GMDS: variants seen among roughly 807,000 people sequenced by gnomAD.
GMDS encodes GDP-mannose 4,6-dehydratase, also known as GDP-mannose 4,6 dehydratase.
GMDS carries 20 observed loss-of-function variants against 49.9 expected under a neutral mutation model. The observed-to-expected ratio is 0.40, with a 90% CI of 0.28 to 0.58. GMDS has a LOEUF of 0.58. GMDS is among the 20% of genes least tolerant of loss of function. The probability of loss-of-function intolerance (pLI) is 0.42; values close to 1 mark genes in which losing one functional copy is unlikely to be tolerated. For missense variants in GMDS, 362 were observed against 481.4 expected (o/e 0.75, Z 2.32); for synonymous variants, 177 against 178.6 (o/e 0.99, Z 0.07).
chr6:2,071,856 T>C (rs1772024553), intron 4 of GMDS, among the ~76,000 whole-genome samples: 1 of 152,182 alleles, frequency 6.6e-6, no homozygotes, highest in Non-Finnish European at 1.5e-5. Context: ...CAATGTTTCT[T>C]ACTTTGAATG....
intron 7 of GMDS, among the ~76,000 whole-genome samples, chr6:1,860,367 A>G (rs962191772): frequency 6.6e-6 from 1 of 152,216 alleles, no homozygotes; most frequent in Non-Finnish European, 1.5e-5. Context: ...GACAGACTCC[A>G]AAAGTTACCC....
intron 9 of GMDS, among the ~76,000 whole-genome samples, chr6:1,716,547 G>A (rs778101186): frequency 1.3e-5 from 2 of 152,228 alleles, no homozygotes; most frequent in Non-Finnish European, 2.9e-5. Flanking sequence ...CTGCTGCACA[G>A]ACAGGCTTGG....
chr6:1,872,155 T>C (rs1758792354), intron 7 of GMDS, among the ~76,000 whole-genome samples: 2 of 152,220 alleles, frequency 1.3e-5, no homozygotes, highest in South Asian at 2.1e-4. Flanking sequence ...ACAATGCCCT[T>C]GGCACAGCCC....
intron 7 of GMDS, among the ~76,000 whole-genome samples, chr6:1,776,867 C>T (rs1483612051): frequency 6.6e-6 from 1 of 152,126 alleles, no homozygotes; most frequent in East Asian, 1.9e-4. Flanking sequence ...CGCAGATATA[C>T]GGGTGAAGAC....
intron 1 of GMDS, among the ~76,000 whole-genome samples, chr6:2,209,933 C>T (rs1265896499): frequency 6.6e-6 from 1 of 152,098 alleles, no homozygotes; most frequent in Non-Finnish European, 1.5e-5. Context: ...CCAAAGGACC[C>T]AAAACCTAGC....
chr6:2,052,908 G>A (rs1366255205), intron 4 of GMDS, among the ~76,000 whole-genome samples: 1 of 152,192 alleles, frequency 6.6e-6, no homozygotes, highest in Non-Finnish European at 1.5e-5. Flanking sequence ...TAACACTGCT[G>A]ACCTAGACCT....
intron 4 of GMDS, among the ~76,000 whole-genome samples, chr6:2,053,424 G>T (rs917600461): frequency 4.0e-5 from 6 of 151,888 alleles, no homozygotes; most frequent in Admixed American, 1.3e-4. Flanking sequence ...CACACAAATG[G>T]CATATACACA....
chr6:1,967,917 T>C (rs1764359970), intron 4 of GMDS, among the ~76,000 whole-genome samples: 1 of 152,206 alleles, frequency 6.6e-6, no homozygotes, highest in African/African-American at 2.4e-5. Context: ...GTCCTTTAAA[T>C]GGGCTGAAAG....
chr6:1,690,620 G>T (rs1415255060), intron 9 of GMDS, among the ~76,000 whole-genome samples: 2 of 151,576 alleles, frequency 1.3e-5, no homozygotes, highest in Non-Finnish European at 2.9e-5. Context: ...TCTGACAAAG[G>T]TCTAATATGC....
intron 4 of GMDS, among the ~76,000 whole-genome samples, chr6:2,097,623 G>GGTATAGTTGTGAAAACAAACTAT: frequency 6.6e-6 from 1 of 152,130 alleles, no homozygotes; most frequent in South Asian, 2.1e-4. Flanking sequence ...GAAAGGCTTT[G>GGTATAGTTGTGAAAACAAACTAT]AAAGAATTCC....
Position 2,236,706 on chromosome 6 carries a change from C to G in GMDS, c.102+8615G>C, listed in dbSNP as rs567551387. ...TGTGAAAAGTGATAGAAATACAGTA[C>G]CATTCTAAGAAACATAGAAAAATCA... On this transcript the variant is annotated intron_variant, in intron 1 of 10. Transcript: ENST00000380815. Among the ~76,000 whole-genome samples, 6 of 152,224 alleles carry G rather than the reference C, an allele frequency of 3.9e-5. No homozygotes were observed. The Middle Eastern group carries it at 0.017, about 434-fold the overall frequency.
At chr6:1,728,236 T>A (rs1183919197) in intron 8 of GMDS, among the ~76,000 whole-genome samples, 1 of 152,248 alleles carries the variant, frequency 6.6e-6, no homozygotes, top group African/African-American at 2.4e-5. Context: ...TTATTATTTT[T>A]TTTAAATAAC....
intron 4 of GMDS, among the ~76,000 whole-genome samples, chr6:2,029,126 A>G (rs1399030178): frequency 6.6e-6 from 1 of 152,112 alleles, no homozygotes; most frequent in Admixed American, 6.6e-5. Context: ...ATCTCTTTCA[A>G]GACAGAAAGT....
chr6:1,972,922 A>T (rs1277745928), intron 4 of GMDS, among the ~76,000 whole-genome samples: 1 of 152,220 alleles, frequency 6.6e-6, no homozygotes, highest in African/African-American at 2.4e-5. Context: ...TACCTCTAAA[A>T]ACATTATTCT....
In GMDS at chr6:1,758,699, C is replaced by T. The variant is rs571408915; in HGVS notation, c.772-16113G>A. ...CAGGAGGCTGCTGATCTGGGAAGCG[C>T]GCTGAGAAACTCTGTGTCTAGAGCT... On this transcript the variant is annotated intron_variant, in intron 7 of 10. Coordinates refer to ENST00000380815, the MANE Select transcript of GMDS (RefSeq NM_001500.4). Among the ~76,000 whole-genome samples the T allele has an allele frequency of 2.6e-4, 39 of 152,266 alleles. 2 individuals are homozygous for T. The South Asian group carries it at 7.0e-3, about 27-fold the overall frequency.
intron 7 of GMDS, among the ~76,000 whole-genome samples, chr6:1,769,202 T>C (rs1000956749): frequency 3.9e-5 from 6 of 152,212 alleles, no homozygotes; most frequent in African/African-American, 4.8e-5. Context: ...CTGACACTAA[T>C]AGAACTGGGT....
Position 2,226,211 on chromosome 6 carries a change from C to A in GMDS, c.102+19110G>T, listed in dbSNP as rs1213570177. Among the ~76,000 whole-genome samples, 4 of 152,120 alleles carry A rather than the reference C, an allele frequency of 2.6e-5. 1 individual carries two copies. Among genetic ancestry groups the A allele is most frequent in the Admixed American group, 2.0e-4 (3 of 15,272 alleles). The stretch of plus-strand genomic sequence containing the variant: ...ATATACTTTAATTTTGTCAAAACTG[C>A]CTTTGGGTGAGGCATCCTGATTCCT... On this transcript the variant is annotated intron_variant, in intron 1 of 10. Transcript: ENST00000380815.
intron 4 of GMDS, among the ~76,000 whole-genome samples, chr6:2,086,633 T>C (rs1446991263): frequency 6.6e-6 from 1 of 152,242 alleles, no homozygotes; most frequent in African/African-American, 2.4e-5. Context: ...TCAATTCATA[T>C]AATAGACATT....
At chr6:1,994,652 T>C (rs997935274) in intron 4 of GMDS, among the ~76,000 whole-genome samples, 1 of 151,842 alleles carries the variant, frequency 6.6e-6, no homozygotes, top group Non-Finnish European at 1.5e-5. Flanking sequence ...TATGGGCATA[T>C]GGTACGCAGA....
Sources: gnomAD v4.1 joint callset for allele counts (sites outside exome capture counted in the v4.1 genomes callset) on GRCh38, gnomAD v4.1.1 for gene constraint, MANE v1.5 for transcripts, NCBI Gene and HGNC (gene_info 2026-07-23, HGNC 2026-07-21) for gene names.